The following AUH variants were observed in gnomAD, a reference collection of about 807,000 sequenced individuals.
AUH encodes methylglutaconyl-CoA hydratase, mitochondrial.
In AUH, 29 loss-of-function variants were observed where a neutral mutation model predicts 42.3. That is an observed-to-expected ratio of 0.69 (90% CI 0.51 to 0.93). AUH has a LOEUF of 0.93. Ranked by LOEUF, AUH falls within the 40% of genes least tolerant of loss-of-function variation. The pLI is 0.00. For missense variants in AUH, 452 were observed against 438.1 expected (o/e 1.03, Z -0.28); for synonymous variants, 174 against 166.4 (o/e 1.05, Z -0.35).
At chr9:91,356,862 T>C (rs906758317) in intron 1 of AUH, among the ~76,000 whole-genome samples, 5 of 152,188 alleles carry the variant, frequency 3.3e-5, no homozygotes, top group African/African-American at 1.2e-4. Flanking sequence ...AATTTGATAT[T>C]CAAAGTTCTA....
intron 3 of AUH, among the ~76,000 whole-genome samples, chr9:91,340,597 A>AGCCCAG: frequency 1.3e-5 from 2 of 152,246 alleles, no homozygotes; most frequent in South Asian, 4.1e-4. Flanking sequence ...ATTCACCCAA[A>AGCCCAG]TGACACTATC....
intron 6 of AUH, among the ~76,000 whole-genome samples, chr9:91,223,142 G>T (rs1202201575): frequency 6.6e-6 from 1 of 152,214 alleles, no homozygotes; most frequent in Non-Finnish European, 1.5e-5. Context: ...TGCGGTGGAG[G>T]CTAGAGGTAT....
intron 6 of AUH, among the ~76,000 whole-genome samples, chr9:91,268,325 A>C (rs1210931932): frequency 1.3e-5 from 2 of 152,346 alleles, no homozygotes; most frequent in Admixed American, 1.3e-4. Flanking sequence ...AACTCATTCC[A>C]ACATAACTCA....
intron 6 of AUH, among the ~76,000 whole-genome samples, chr9:91,255,407 T>C (rs1274593297): frequency 6.6e-6 from 1 of 152,256 alleles, no homozygotes; most frequent in Non-Finnish European, 1.5e-5. Context: ...ACATCAAGTA[T>C]TTCATCTAGT....
chr9:91,224,144 G>A (rs551439177), intron 6 of AUH, among the ~76,000 whole-genome samples: 19 of 152,314 alleles, frequency 1.2e-4, no homozygotes, highest in Admixed American at 4.6e-4. Context: ...TTTCTGTGCA[G>A]TGAACAGGAG....
chr9:91,219,811 G>C (rs1827029828), intron 7 of AUH, among the ~76,000 whole-genome samples: 1 of 152,194 alleles, frequency 6.6e-6, no homozygotes, highest in Admixed American at 6.5e-5. Context: ...TTCTGAAACT[G>C]GATGCAAGAC....
intron 6 of AUH, among the ~76,000 whole-genome samples, chr9:91,222,191 T>C (rs1322537699): frequency 6.6e-6 from 1 of 152,218 alleles, no homozygotes; most frequent in East Asian, 1.9e-4. Context: ...TATTTTTCCT[T>C]TAAAGGAAAG....
At chr9:91,303,521 AG>A (rs1194405659) in intron 4 of AUH, among the ~76,000 whole-genome samples, 1 of 152,120 alleles carries the variant, frequency 6.6e-6, no homozygotes, top group Non-Finnish European at 1.5e-5. Context: ...TAGTAGAGAC[AG>A]GGTTTCACCG....
Position 91,278,172 on chromosome 9 carries a change from A to G in AUH, c.655+17849T>C, listed in dbSNP as rs529997068. Among the ~76,000 whole-genome samples the G allele has an allele frequency of 2.6e-5, 4 of 152,364 alleles. No individual in the cohort carries two copies. In the East Asian group the frequency reaches 7.7e-4, roughly 29 times the overall value. On this transcript the variant is annotated intron_variant, in intron 6 of 9. Coordinates refer to ENST00000375731, the MANE Select transcript of AUH (RefSeq NM_001698.3). ...TAAGATCACACAATAGCACTGCCAC[A>G]CAAGGGTGCCATGCCTAGCGACCAC...
intron 6 of AUH, among the ~76,000 whole-genome samples, chr9:91,239,907 G>A (rs954100301): frequency 3.3e-5 from 5 of 152,256 alleles, no homozygotes; most frequent in African/African-American, 9.6e-5. Context: ...GAATGGGGAA[G>A]GAAGGCTGGA....
intron 6 of AUH, among the ~76,000 whole-genome samples, chr9:91,228,106 T>G (rs978153426): frequency 1.3e-5 from 2 of 152,296 alleles, no homozygotes; most frequent in East Asian, 3.9e-4. Context: ...TTCTATTGAT[T>G]GGCATAGTTT....
chr9:91,229,763 T>C (rs1827755236), intron 6 of AUH, among the ~76,000 whole-genome samples: 1 of 151,070 alleles, frequency 6.6e-6, no homozygotes, highest in Non-Finnish European at 1.5e-5. Context: ...GGTGACAAAA[T>C]CTCTCAGCAT....
intron 9 of AUH, among the ~76,000 whole-genome samples, chr9:91,214,641 G>A (rs1826721048): frequency 6.6e-6 from 1 of 151,338 alleles, no homozygotes; most frequent in Non-Finnish European, 1.5e-5. Flanking sequence ...CTAATAAGGT[G>A]GAAGGTTATT....
Position 91,263,184 on chromosome 9 carries a change from G to A in AUH, c.655+32837C>T, listed in dbSNP as rs369703515. Among the ~76,000 whole-genome samples the A allele has an allele frequency of 2.0e-5, 3 of 152,324 alleles. No homozygotes were observed. In the East Asian group the frequency reaches 5.8e-4, roughly 29 times the overall value. The stretch of plus-strand genomic sequence containing the variant: ...ATGCTTGGAATACACTGTTGGAAAG[G>A]ATTCTGAAGCCCCATCCTCACTTCT... On this transcript the variant is annotated intron_variant, in intron 6 of 9. Coordinates refer to ENST00000375731, the MANE Select transcript of AUH (RefSeq NM_001698.3).
chr9:91,287,132 A>G (rs1360969957), intron 6 of AUH, among the ~76,000 whole-genome samples: 1 of 152,196 alleles, frequency 6.6e-6, no homozygotes, highest in Non-Finnish European at 1.5e-5. Context: ...AGGTTAAAAG[A>G]AAAGTTACCA....
chr9:91,218,871 T>C (rs1826970965), intron 7 of AUH: 5 of 985,488 alleles, frequency 5.1e-6, no homozygotes, highest in Non-Finnish European at 6.0e-6. Flanking sequence ...CTTCATTTGG[T>C]GACTCGTGCA....
chr9:91,278,212 T>A (rs569434471), intron 6 of AUH, among the ~76,000 whole-genome samples: 4 of 152,170 alleles, frequency 2.6e-5, no homozygotes, highest in African/African-American at 9.7e-5. Flanking sequence ...TCCAGCAATA[T>A]AGTCACAAAG....
intron 3 of AUH, among the ~76,000 whole-genome samples, chr9:91,355,275 G>A (rs1832319567): frequency 6.6e-6 from 1 of 152,090 alleles, no homozygotes; most frequent in South Asian, 2.1e-4. Context: ...TGAAACTAGG[G>A]GCCAGGCACA....
chr9:91,284,602 C>A (rs921212989), intron 6 of AUH, among the ~76,000 whole-genome samples: 1 of 152,018 alleles, frequency 6.6e-6, no homozygotes, highest in African/African-American at 2.4e-5. Context: ...ACAATGAACT[C>A]AAATAAACTT....
Sources: gnomAD v4.1 joint callset for allele counts (sites outside exome capture counted in the v4.1 genomes callset) on GRCh38, gnomAD v4.1.1 for gene constraint, MANE v1.5 for transcripts, NCBI Gene and HGNC (gene_info 2026-07-23, HGNC 2026-07-21) for gene names.